RGS6: variants seen among roughly 807,000 people sequenced by gnomAD.
The protein encoded by RGS6 is regulator of G-protein signaling 6.
Under a neutral mutation model 78.5 loss-of-function variants are expected in RGS6, and 30 were observed. That is an observed-to-expected ratio of 0.38 (90% CI 0.29 to 0.52). The LOEUF (loss-of-function observed/expected upper bound fraction) is 0.52. Ranked by LOEUF, RGS6 falls within the 20% of genes least tolerant of loss-of-function variation. RGS6 has a pLI of 0.85. For missense variants in RGS6, 495 were observed against 609.7 expected, an observed-to-expected ratio of 0.81 and a Z score of 1.98; for synonymous variants, 206 against 206.0, an observed-to-expected ratio of 1.00 and a Z score of 0.00.
At position 72,420,665 on chromosome 14, in the gene RGS6, T is replaced by C. The variant is rs181748535; in HGVS notation, c.185-33863T>C. 1.7e-4 allele frequency among the ~76,000 whole-genome samples: 26 copies of C among 152,320 alleles called. No homozygotes were observed. In the East Asian group the frequency reaches 3.9e-3, roughly 23 times the overall value. The stretch of plus-strand genomic sequence containing the variant: ...TTACCTGAAGGTCCAAGAACACTTT[T>C]AAACTCATGAAAAACCTTCACTAGT... On this transcript the variant is annotated intron_variant, in intron 3 of 17. Transcript: ENST00000553525.
intron 13 of RGS6, among the ~76,000 whole-genome samples, chr14:72,497,955 T>C (rs528549823): frequency 7.2e-5 from 11 of 152,284 alleles, no homozygotes; most frequent in African/African-American, 2.4e-4. Context: ...TTCTCTATTA[T>C]AATTTCCATC....
intron 16 of RGS6, among the ~76,000 whole-genome samples, chr14:72,538,733 C>G (rs2153504998): frequency 6.6e-6 from 1 of 152,336 alleles, no homozygotes; most frequent in South Asian, 2.1e-4. Flanking sequence ...CCTTCAGTTC[C>G]TAGTACAAGA....
the RGS6 span, among the ~76,000 whole-genome samples, chr14:72,606,972 T>G: frequency 6.6e-6 from 1 of 152,210 alleles, no homozygotes; most frequent in Non-Finnish European, 1.5e-5. Context: ...GCTTCTTGTA[T>G]AGCCTGCAGA....
At chr14:72,323,144 G>A (rs1001411457) in intron 2 of RGS6, among the ~76,000 whole-genome samples, 2 of 151,838 alleles carry the variant, frequency 1.3e-5, no homozygotes, top group African/African-American at 2.4e-5. Context: ...AAAACACAAA[G>A]AATCACATGG....
chr14:72,617,992 C>T, the RGS6 span, among the ~76,000 whole-genome samples: 1 of 152,146 alleles, frequency 6.6e-6, no homozygotes. Flanking sequence ...CTCCAGCCCT[C>T]GGGGCTATCT....
At chr14:72,549,356 G>T (rs895709420) in intron 17 of RGS6, among the ~76,000 whole-genome samples, 1 of 152,172 alleles carries the variant, frequency 6.6e-6, no homozygotes, top group Non-Finnish European at 1.5e-5. Context: ...GCGCCCACTG[G>T]CACAGGGCAT....
chr14:72,387,143 A>T (rs1022096173), intron 3 of RGS6, among the ~76,000 whole-genome samples: 1 of 152,166 alleles, frequency 6.6e-6, no homozygotes, highest in Non-Finnish European at 1.5e-5. Flanking sequence ...ATTAATACAC[A>T]TTATAAGATA....
chr14:72,491,044 C>T (rs1429044653), intron 12 of RGS6, among the ~76,000 whole-genome samples: 1 of 152,154 alleles, frequency 6.6e-6, no homozygotes, highest in Non-Finnish European at 1.5e-5. Context: ...CATGAGATGG[C>T]ACCTCTGACT....
intron 13 of RGS6, among the ~76,000 whole-genome samples, chr14:72,509,208 C>CA (rs200594126): frequency 0.095 from 14,345 of 151,566 alleles, 785 homozygotes; most frequent in South Asian, 0.15. Flanking sequence ...ACTAAAAATA[C>CA]AAAAAAATTA....
intron 2 of RGS6, among the ~76,000 whole-genome samples, chr14:72,240,183 G>C (rs2153823026): frequency 1.3e-5 from 2 of 152,304 alleles, no homozygotes; most frequent in South Asian, 4.2e-4. Flanking sequence ...TTTTCAGTTT[G>C]AGGGAATCCT....
intron 2 of RGS6, among the ~76,000 whole-genome samples, chr14:72,322,835 C>A (rs2072478717): frequency 6.6e-6 from 1 of 151,940 alleles, no homozygotes; most frequent in South Asian, 2.1e-4. Flanking sequence ...TGATAAAATT[C>A]TCTAATCTTG....
chr14:72,258,546 G>C (rs2057520545), intron 2 of RGS6, among the ~76,000 whole-genome samples: 1 of 152,174 alleles, frequency 6.6e-6, no homozygotes, highest in African/African-American at 2.4e-5. Flanking sequence ...GTCTGAATTT[G>C]AAATCTCTAC....
intron 12 of RGS6, among the ~76,000 whole-genome samples, chr14:72,486,844 G>A (rs2096496104): frequency 6.6e-6 from 1 of 152,186 alleles, no homozygotes; most frequent in Non-Finnish European, 1.5e-5. Context: ...AGGAGTCCTT[G>A]CTTTCATTTC....
At chr14:72,163,899 A>G (rs1488365777) in intron 2 of RGS6, among the ~76,000 whole-genome samples, 1 of 147,218 alleles carries the variant, frequency 6.8e-6, no homozygotes, top group East Asian at 2.0e-4. Flanking sequence ...AAAAAAAAAA[A>G]TGCAGTTGTG....
chr14:71,993,303 T>C (rs957894825), intron 2 of RGS6, among the ~76,000 whole-genome samples: 3 of 127,248 alleles, frequency 2.4e-5, no homozygotes, highest in Non-Finnish European at 5.3e-5. Context: ...GCGCACACTT[T>C]GACAAAATAT....
intron 2 of RGS6, among the ~76,000 whole-genome samples, chr14:72,089,866 T>A (rs1294001159): frequency 6.6e-6 from 1 of 152,068 alleles, no homozygotes; most frequent in African/African-American, 2.4e-5. Flanking sequence ...CAAAGGACGG[T>A]CCTTCCTTCT....
chr14:72,035,327 C>G (rs2091531855), intron 2 of RGS6, among the ~76,000 whole-genome samples: 1 of 151,242 alleles, frequency 6.6e-6, no homozygotes, highest in African/African-American at 2.4e-5. Context: ...ATTTGGACAT[C>G]AGGTATAATA....
In RGS6 at chr14:72,494,961, A is replaced by C. The variant is rs552811329; in HGVS notation, c.855-191A>C. Reference sequence around the variant, plus strand: ...ATATCATGGCTGCAACAGTGCAAAAATGGTATGTTCGTTATAAGAAGGAAA... The same window carrying C: ...ATATCATGGCTGCAACAGTGCAAAACTGGTATGTTCGTTATAAGAAGGAAA... On this transcript the variant is annotated intron_variant, in intron 12 of 17. Coordinates refer to ENST00000553525, the MANE Select transcript of RGS6 (RefSeq NM_001204424.2). Among the ~76,000 whole-genome samples the C allele has an allele frequency of 4.6e-5, 7 of 152,388 alleles. No homozygotes were observed. In the East Asian group the frequency reaches 1.3e-3, roughly 29 times the overall value.
the RGS6 span, among the ~76,000 whole-genome samples, chr14:71,926,602 A>AT: frequency 6.6e-6 from 1 of 151,880 alleles, no homozygotes; most frequent in African/African-American, 2.4e-5. Flanking sequence ...AAAAAAAAAA[A>AT]AAGAGTATCA....
Sources: gnomAD v4.1 joint callset for allele counts (sites outside exome capture counted in the v4.1 genomes callset) on GRCh38, gnomAD v4.1.1 for gene constraint, MANE v1.5 for transcripts, NCBI Gene and HGNC (gene_info 2026-07-23, HGNC 2026-07-21) for gene names.